MYO7A: variants seen among roughly 807,000 people sequenced by gnomAD.
MYO7A encodes myosin VIIA.
A neutral mutation model predicts 263.8 loss-of-function variants in MYO7A; 210 were observed. The observed-to-expected ratio is 0.80, with a 90% CI of 0.71 to 0.89. The LOEUF (loss-of-function observed/expected upper bound fraction) is 0.89. Ranked by LOEUF, MYO7A falls within the 40% of genes least tolerant of loss-of-function variation. MYO7A has a pLI of 0.00. For missense variants in MYO7A, 2,820 were observed against 2,968.3 expected, an observed-to-expected ratio of 0.95 and a Z score of 1.16; for synonymous variants, 1,239 against 1,197.3, an observed-to-expected ratio of 1.03 and a Z score of -0.72.
intron 7 of MYO7A, 62 bp from the exon 8 acceptor site, chr11:77,157,217 G>C: frequency 7.0e-7 from 1 of 1,432,062 alleles, no homozygotes; most frequent in Non-Finnish European, 9.7e-7. Flanking sequence ...TCCCAGGCTA[G>C]TTCCTGATGG....
At chr11:77,211,733 TG>T in intron 45 of MYO7A, 87 bp from the exon 46 acceptor site, 1 of 993,434 alleles carries the variant, frequency 1.0e-6, no homozygotes, top group Non-Finnish European at 1.6e-6. Context: ...AGGGGTGGTG[TG>T]GGGAGGACTC....
intron 16 of MYO7A, 40 bp downstream of exon 16, chr11:77,172,925 G>C: frequency 6.5e-7 from 1 of 1,529,996 alleles, no homozygotes; most frequent in Non-Finnish European, 8.8e-7. Context: ...TGGCGGCTAG[G>C]GTGACGTGGA....
At position 77,189,350 on chromosome 11, in the gene MYO7A, G is replaced by T; in HGVS notation, c.3510G>T (p.Glu1170Asp). 1 of 1,613,356 alleles carries T rather than the reference G, an allele frequency of 6.2e-7. No individual in the cohort carries two copies. The highest frequency in any genetic ancestry group is 8.5e-7 in the Non-Finnish European group (1 of 1,179,868). Residue 1170 changes from glutamate (E) to aspartate (D), a missense_variant, in exon 28 of 49, where the codon GAG becomes GAT. Transcript: ENST00000409709. ...NGILRPALRD[E>D]IYCQISKQLT... ...TGCCCTGCTGCCTGCCCAGGGACGA[G>T]ATCTACTGCCAGATCAGCAAGCAGC...
rs539759178 is a variant in MYO7A at position 77,190,953 on chromosome 11, C to G, written c.3924+83C>G. The G allele has an allele frequency of 2.3e-5, 32 of 1,403,528 alleles. 2 individuals are homozygous for G. In the South Asian group the frequency reaches 4.3e-4, roughly 19 times the overall value. The allele number at this position is 1,403,528 out of a possible 1,614,324, so 86.9% of individuals were successfully genotyped here. ...GCTGCCAGTGCTGCCACCTACTTGC[C>G]GGGGCTATTCACCCTTGAGCACCTC... On this transcript the variant is annotated intron_variant, in intron 30 of 48. Transcript: ENST00000409709.
chr11:77,193,134 C>CTGTTGGTGATCGTGGAGGTAGCGATGG (rs1956324943), intron 31 of MYO7A, among the ~76,000 whole-genome samples: 4 of 30,456 alleles, frequency 1.3e-4, no homozygotes, highest in East Asian at 1.0e-3. Flanking sequence ...GGTAGCGATG[C>CTGTTGGTGATCGTGGAGGTAGCGATGG]TGTTGGTGAT....
At chr11:77,206,073 C>T in intron 40 of MYO7A, 24 bp from the exon 41 acceptor site, 1 of 1,578,880 alleles carries the variant, frequency 6.3e-7, no homozygotes, top group Non-Finnish European at 8.6e-7. Flanking sequence ...CACATGCCCC[C>T]TGCTGCCCCT....
intron 17 of MYO7A, 90 bp from the exon 18 acceptor site, chr11:77,175,282 A>AGAGCC: frequency 2.5e-6 from 3 of 1,196,532 alleles, no homozygotes; most frequent in Non-Finnish European, 3.6e-6. Context: ...GAGCTCGGGA[A>AGAGCC]GAGCCCTGCC....
Position 77,159,485 on chromosome 11 carries a change from T to C in MYO7A, c.1042T>C (p.Phe348Leu), listed in dbSNP as rs782805797. 6.2e-7 allele frequency: 1 copy of C among 1,605,888 alleles called. No homozygotes were observed. Among genetic ancestry groups the C allele is most frequent in the Admixed American group, 1.7e-5 (1 of 59,674 alleles). ...AAACCTGGATGCCTGTGAGGTTCTC[T>C]TCTCCCCATCGCTGGCCACAGCTGC... is the stretch of plus-strand genomic sequence containing the variant. ...FENLDACEVL[F>L]SPSLATAASL... The change falls in exon 10 of 49, where the codon TTC becomes CTC. Residue 348 changes from phenylalanine (F) to leucine (L), a missense_variant. Physicochemically the swap from Phe to Leu is conservative, Grantham distance 22. Coordinates refer to ENST00000409709, the MANE Select transcript of MYO7A (RefSeq NM_000260.4).
chr11:77,214,752 G>A lies in MYO7A; in HGVS notation c.*56G>A. ...TGCTCTCGAGGCAGCAGTGGGTTCA[G>A]GCCCATCAGCTACCCCTGCAGCTGG... On this transcript the variant is annotated 3_prime_UTR_variant, in exon 49 of 49. Transcript: ENST00000409709. 1 of 1,390,640 alleles carries A rather than the reference G, an allele frequency of 7.2e-7. No homozygotes were observed. The allele number at this position is 1,390,640 out of a possible 1,614,324, so 86.1% of individuals were successfully genotyped here. A position where few individuals can be genotyped will look rare whatever the true frequency, so the allele number is the denominator to read the frequency against.
At chr11:77,132,397 G>A (rs2135531924) in intron 2 of MYO7A, among the ~76,000 whole-genome samples, 1 of 152,188 alleles carries the variant, frequency 6.6e-6, no homozygotes. Flanking sequence ...AGCAGATGAA[G>A]GAAGAAGCAT....
intron 48 of MYO7A, 117 bp from the exon 49 acceptor site, chr11:77,214,490 G>C: frequency 2.7e-6 from 2 of 753,426 alleles, no homozygotes; most frequent in African/African-American, 1.7e-5. Context: ...CTGAGTAGGA[G>C]GGATTTGCCT....
intron 46 of MYO7A, chr11:77,212,590 G>A (rs999771701): frequency 2.7e-5 from 10 of 369,532 alleles, no homozygotes; most frequent in Non-Finnish European, 5.1e-5. Flanking sequence ...GGTGTGAGAG[G>A]ATACGTATGG....
intron 3 of MYO7A, among the ~76,000 whole-genome samples, chr11:77,144,346 T>A (rs1951423808): frequency 6.6e-6 from 1 of 152,074 alleles, no homozygotes; most frequent in Non-Finnish European, 1.5e-5. Flanking sequence ...GCCCCCAGGG[T>A]GGGGACCAGG....
At chr11:77,140,667 AG>A (rs1395554264) in intron 2 of MYO7A, among the ~76,000 whole-genome samples, 4 of 152,210 alleles carry the variant, frequency 2.6e-5, no homozygotes, top group Non-Finnish European at 5.9e-5. Context: ...GGTGGCTGTC[AG>A]GGGTAAGCCC....
chr11:77,149,913 C>T (rs12283584), intron 4 of MYO7A, among the ~76,000 whole-genome samples: 61,005 of 152,010 alleles, frequency 0.4, 14,780 homozygotes, highest in East Asian at 0.67. Context: ...ACCCACCCGC[C>T]GTATCTCACA....
At chr11:77,184,519 G>T in intron 26 of MYO7A, 69 bp from the exon 27 acceptor site, 1 of 1,400,298 alleles carries the variant, frequency 7.1e-7, no homozygotes, top group Non-Finnish European at 9.9e-7. Context: ...GCAGCCTCGG[G>T]TGCTGGTGCC....
At chr11:77,147,658 G>A in intron 3 of MYO7A, 140 bp from the exon 4 acceptor site, 3 of 1,070,700 alleles carry the variant, frequency 2.8e-6, no homozygotes, top group South Asian at 1.5e-5. Flanking sequence ...TGTTAGAACT[G>A]ACAGTGTCTG....
chr11:77,146,459 G>A (rs1951573129), intron 3 of MYO7A, among the ~76,000 whole-genome samples: 1 of 152,194 alleles, frequency 6.6e-6, no homozygotes. Context: ...AGAGACGGTG[G>A]TCTCAATCAG....
At chr11:77,163,988 G>A (rs1953284295) in intron 14 of MYO7A, among the ~76,000 whole-genome samples, 1 of 152,052 alleles carries the variant, frequency 6.6e-6, no homozygotes, top group Non-Finnish European at 1.5e-5. Context: ...AGGTGGGGGG[G>A]GCTTGACTGT....
Sources: allele counts gnomAD v4.1 joint callset (sites outside exome capture counted in the v4.1 genomes callset), GRCh38; gene constraint gnomAD v4.1.1; transcripts MANE v1.5; gene names NCBI Gene and HGNC (gene_info 2026-07-23, HGNC 2026-07-21).